Variants in XPR1 observed in about 807,000 individuals in gnomAD.
XPR1 encodes xenotropic and polytropic retrovirus receptor 1, also known as solute carrier family 53 member 1.
A neutral mutation model predicts 87.5 loss-of-function variants in XPR1; 28 were observed. The ratio of observed to expected loss-of-function variants is 0.32; its 90% confidence interval spans 0.24 to 0.44. The LOEUF (loss-of-function observed/expected upper bound fraction) is 0.44. Ranked by LOEUF, XPR1 falls within the 20% of genes least tolerant of loss-of-function variation. XPR1 has a pLI of 1.00. For synonymous variants in XPR1, 300 were observed against 306.1 expected, an observed-to-expected ratio of 0.98 and a Z score of 0.21; for missense variants, 559 against 862.3, an observed-to-expected ratio of 0.65 and a Z score of 4.41.
chr1:180,741,152 A>G (rs1383806954), intron 2 of XPR1, among the ~76,000 whole-genome samples: 1 of 152,072 alleles, frequency 6.6e-6, no homozygotes, highest in East Asian at 1.9e-4. Flanking sequence ...CCTTGAAGTT[A>G]TCTGCGTCTA....
chr1:180,772,318 T>C (rs1648547514), intron 2 of XPR1, among the ~76,000 whole-genome samples: 1 of 152,202 alleles, frequency 6.6e-6, no homozygotes, highest in African/African-American at 2.4e-5. Context: ...GTATTTTCCC[T>C]GACCCAGCCC....
intron 1 of XPR1, among the ~76,000 whole-genome samples, chr1:180,671,827 T>G (rs1051917949): frequency 1.3e-5 from 2 of 152,140 alleles, no homozygotes; most frequent in Non-Finnish European, 2.9e-5. Flanking sequence ...TTTTGTTTGT[T>G]TGTTTGTTTA....
At chr1:180,643,025 A>C (rs1251770196) in intron 1 of XPR1, among the ~76,000 whole-genome samples, 1 of 152,144 alleles carries the variant, frequency 6.6e-6, no homozygotes, top group African/African-American at 2.4e-5. Flanking sequence ...GGTAAAGTGA[A>C]GTTGGGAAGG....
chr1:180,855,021 G>A (rs1312314099), intron 11 of XPR1, among the ~76,000 whole-genome samples: 13 of 152,164 alleles, frequency 8.5e-5, no homozygotes, highest in Non-Finnish European at 1.8e-4. Context: ...ATTCAGTTTG[G>A]CAAATATTAA....
rs1652991865 is a variant in XPR1, at chr1:180,885,820, C to G, written c.*1754C>G. 1 of 152,218 alleles carries G rather than the reference C, an allele frequency of 6.6e-6. No individual in the cohort carries two copies. Among genetic ancestry groups the G allele is most frequent in the Admixed American group, 6.5e-5 (1 of 15,286 alleles). 9.4% of individuals were successfully genotyped at this position (152,218 alleles called of 1,614,324 possible). A position where few individuals can be genotyped will look rare whatever the true frequency, so the allele number is the denominator to read the frequency against. On this transcript the variant is annotated 3_prime_UTR_variant, in exon 15 of 15. Transcript: ENST00000367590. ...TCATCAGCACTTCCACCATGTATTA[C>G]AAGTCTTGACCCATCCCTGTCGTAA...
In XPR1 at chr1:180,806,321, T is replaced by C. The variant is rs1306243773; in HGVS notation, c.597+110T>C. Reference sequence around the variant, plus strand: ...TAACTAGTTGCTAGCTTTGAATATATATGCCTTACCTGTGATTTTTTTTCA... The same window carrying C: ...TAACTAGTTGCTAGCTTTGAATATACATGCCTTACCTGTGATTTTTTTTCA... On this transcript the variant is annotated intron_variant, in intron 5 of 14. Coordinates refer to ENST00000367590, the MANE Select transcript of XPR1 (RefSeq NM_004736.4). The C allele has an allele frequency of 2.0e-6, 3 of 1,511,106 alleles. No homozygotes were observed. The African/African-American group carries it at 4.2e-5, about 21-fold the overall frequency. The allele number at this position is 1,511,106 out of a possible 1,614,324, so 93.6% of individuals were successfully genotyped here. A position where few individuals can be genotyped will look rare whatever the true frequency, so the allele number is the denominator to read the frequency against.
intron 11 of XPR1, among the ~76,000 whole-genome samples, chr1:180,847,592 C>G (rs1458432082): frequency 6.6e-6 from 1 of 152,132 alleles, no homozygotes; most frequent in East Asian, 1.9e-4. Context: ...TGTAAATACA[C>G]TATAACTGGT....
chr1:180,823,240 C>CAAAA (rs35189351), intron 7 of XPR1, among the ~76,000 whole-genome samples: 1 of 135,942 alleles, frequency 7.4e-6, no homozygotes, highest in African/African-American at 2.8e-5. Context: ...GACTCCATCT[C>CAAAA]AAAAAAAAAA....
At chr1:180,866,270 A>C (rs1442501052) in intron 12 of XPR1, among the ~76,000 whole-genome samples, 1 of 152,192 alleles carries the variant, frequency 6.6e-6, no homozygotes, top group Non-Finnish European at 1.5e-5. Flanking sequence ...AATAAAATTC[A>C]TCCAGCTTGA....
chr1:180,812,944 C>T (rs751002410), intron 7 of XPR1, among the ~76,000 whole-genome samples: 7 of 152,136 alleles, frequency 4.6e-5, no homozygotes, highest in African/African-American at 1.4e-4. Context: ...CCACCGCGCC[C>T]GGCCAGCAGC....
chr1:180,770,480 A>G (rs1557999847), intron 2 of XPR1, among the ~76,000 whole-genome samples: 1 of 152,094 alleles, frequency 6.6e-6, no homozygotes, highest in Non-Finnish European at 1.5e-5. Flanking sequence ...ATAACTCCTA[A>G]AGGCCCCACC....
At chr1:180,658,200 G>T (rs1243216530) in intron 1 of XPR1, among the ~76,000 whole-genome samples, 1 of 152,132 alleles carries the variant, frequency 6.6e-6, no homozygotes, top group Admixed American at 6.5e-5. Flanking sequence ...GAATGTTTAG[G>T]TTTTTCCAAT....
chr1:180,834,890 C>T lies in XPR1; in HGVS notation c.1151C>T (p.Ala384Val). 6.2e-7 allele frequency: 1 copy of T among 1,611,508 alleles called. No homozygotes were observed. The highest frequency in any genetic ancestry group is 8.5e-7 in the Non-Finnish European group (1 of 1,179,088). Residue 384 changes from alanine (A) to valine (V), a missense_variant, in exon 10 of 15, where the codon GCC (alanine) becomes GTC (valine). By Grantham distance (64) the Ala-to-Val change is moderately conservative. Transcript: ENST00000367590. The stretch of plus-strand genomic sequence containing the variant: ...TTCTTTCAGTTTCGAGTATTTACAG[C>T]CCCCTTCCATAAGGTAGGCTTTGCT... ...LLKLLFRVFT[A>V]PFHKVGFADF...
intron 2 of XPR1, among the ~76,000 whole-genome samples, chr1:180,686,293 G>A (rs1318243953): frequency 1.3e-5 from 2 of 152,002 alleles, no homozygotes; most frequent in African/African-American, 2.4e-5. Context: ...GTAGTTGAGC[G>A]GTTTTGAGTG....
At chr1:180,729,856 C>T (rs1658490270) in intron 2 of XPR1, among the ~76,000 whole-genome samples, 2 of 152,254 alleles carry the variant, frequency 1.3e-5, no homozygotes, top group East Asian at 1.9e-4. Flanking sequence ...GTTATTTACT[C>T]TGTTTATATT....
At chr1:180,655,525 T>G (rs1655426899) in intron 1 of XPR1, among the ~76,000 whole-genome samples, 1 of 151,792 alleles carries the variant, frequency 6.6e-6, no homozygotes, top group South Asian at 2.1e-4. Flanking sequence ...CTCAGCCTCC[T>G]GAGTAGCTGG....
At chr1:180,819,319 A>C (rs1650527083) in intron 7 of XPR1, among the ~76,000 whole-genome samples, 1 of 152,192 alleles carries the variant, frequency 6.6e-6, no homozygotes, top group Admixed American at 6.5e-5. Context: ...ATTCAGAAGA[A>C]TATATCTTTA....
Position 180,737,496 on chromosome 1 carries a change from G to T in XPR1, c.122-50257G>T, listed in dbSNP as rs1284010992. 2.0e-5 allele frequency among the ~76,000 whole-genome samples: 3 copies of T among 152,016 alleles called. No individual in the cohort carries two copies. The East Asian group carries it at 5.8e-4, about 29-fold the overall frequency. On this transcript the variant is annotated intron_variant, in intron 2 of 14. Transcript: ENST00000367590. ...TAACATATAGTGAAATTGACTTCTT[G>T]TACAGTTTTATGAATTTAAACACAG...
At chr1:180,646,852 A>T (rs2101900165) in intron 1 of XPR1, among the ~76,000 whole-genome samples, 1 of 152,312 alleles carries the variant, frequency 6.6e-6, no homozygotes, top group East Asian at 1.9e-4. Context: ...CTGCCACCAG[A>T]TGCAGCTGTA....
Sources: allele counts gnomAD v4.1 joint callset (sites outside exome capture counted in the v4.1 genomes callset), GRCh38; gene constraint gnomAD v4.1.1; transcripts MANE v1.5; gene names NCBI Gene and HGNC (gene_info 2026-07-23, HGNC 2026-07-21).